MCTP2: variants seen among roughly 807,000 people sequenced by gnomAD.
MCTP2 encodes the protein multiple C2 and transmembrane domain containing 2.
In MCTP2, 132 loss-of-function variants were observed where a neutral mutation model predicts 111.6. That is an observed-to-expected ratio of 1.18 (90% CI 1.03 to 1.37). The LOEUF (loss-of-function observed/expected upper bound fraction) is 1.37, where lower values mean the gene tolerates loss of function less well. MCTP2 is among the 40% of genes most tolerant of loss of function. The pLI, the probability that MCTP2 is intolerant of heterozygous loss-of-function variation, is 0.00. For synonymous variants in MCTP2, 395 were observed against 387.7 expected, an observed-to-expected ratio of 1.02 and a Z score of -0.22; for missense variants, 1,183 against 1,067.9, an observed-to-expected ratio of 1.11 and a Z score of -1.50.
At chr15:94,362,938 T>C (rs929014293) in intron 10 of MCTP2, among the ~76,000 whole-genome samples, 11 of 152,162 alleles carry the variant, frequency 7.2e-5, no homozygotes, top group Non-Finnish European at 1.5e-4. Flanking sequence ...CTTTAATATA[T>C]GCCTTTTGCA....
At chr15:94,328,594 T>C (rs2076996450) in intron 4 of MCTP2, among the ~76,000 whole-genome samples, 1 of 152,212 alleles carries the variant, frequency 6.6e-6, no homozygotes, top group Admixed American at 6.5e-5. Flanking sequence ...ATGTCTGAGT[T>C]TTGATTTCAG....
At chr15:94,386,321 G>A (rs1196605842) in intron 14 of MCTP2, among the ~76,000 whole-genome samples, 1 of 152,176 alleles carries the variant, frequency 6.6e-6, no homozygotes, top group East Asian at 1.9e-4. Flanking sequence ...CAGCCAATGA[G>A]ACTTTATTCT....
chr15:94,240,423 A>C (rs990892146), intron 1 of MCTP2, among the ~76,000 whole-genome samples: 1 of 152,128 alleles, frequency 6.6e-6, no homozygotes, highest in Non-Finnish European at 1.5e-5. Context: ...TCTGTTTTGC[A>C]TCCCAGGGAA....
At chr15:94,396,835 A>G (rs2081306386) in intron 14 of MCTP2, among the ~76,000 whole-genome samples, 1 of 152,222 alleles carries the variant, frequency 6.6e-6, no homozygotes, top group Non-Finnish European at 1.5e-5. Flanking sequence ...ATATAGCAGT[A>G]TAAAAAATGA....
intron 14 of MCTP2, among the ~76,000 whole-genome samples, chr15:94,398,622 G>A (rs942646442): frequency 2.0e-5 from 3 of 151,852 alleles, no homozygotes; most frequent in Admixed American, 1.3e-4. Context: ...CCTTTTTCCC[G>A]TGACCTTTAC....
chr15:94,328,625 C>G (rs2076998161), intron 4 of MCTP2, among the ~76,000 whole-genome samples: 1 of 152,190 alleles, frequency 6.6e-6, no homozygotes, highest in Non-Finnish European at 1.5e-5. Flanking sequence ...TCCTATCACA[C>G]CATCATTCCT....
chr15:94,365,582 T>A (rs2079141128), intron 10 of MCTP2, among the ~76,000 whole-genome samples: 1 of 152,218 alleles, frequency 6.6e-6, no homozygotes, highest in South Asian at 2.1e-4. Context: ...TCACAGTTAT[T>A]CCAATTATGG....
intron 1 of MCTP2, 126 bp from the exon 2 acceptor site, chr15:94,298,075 C>T (rs973498700): frequency 3.6e-5 from 17 of 473,226 alleles, no homozygotes; most frequent in Middle Eastern, 5.4e-4. Context: ...CAGTCTTAAT[C>T]ATTTATTGGA....
At chr15:94,342,761 T>C (rs1175055593) in intron 7 of MCTP2, 1 of 151,044 alleles carries the variant, frequency 6.6e-6, no homozygotes, top group Admixed American at 6.6e-5. Context: ...CACATATATA[T>C]CTCCATATAT....
chr15:94,279,927 A>G (rs1405992483), intron 1 of MCTP2, among the ~76,000 whole-genome samples: 2 of 152,168 alleles, frequency 1.3e-5, no homozygotes, highest in South Asian at 2.1e-4. Flanking sequence ...GCATACTTTG[A>G]ACCAAGCTTG....
At chr15:94,254,656 G>A in intron 1 of MCTP2, among the ~76,000 whole-genome samples, 1 of 152,186 alleles carries the variant, frequency 6.6e-6, no homozygotes, top group East Asian at 1.9e-4. Flanking sequence ...ATTGAGCTCA[G>A]TGCAACTCAG....
intron 19 of MCTP2, among the ~76,000 whole-genome samples, chr15:94,450,315 G>A (rs370528980): frequency 1.3e-5 from 2 of 152,178 alleles, no homozygotes; most frequent in South Asian, 2.1e-4. Flanking sequence ...TTAATAGCAC[G>A]AGCTGTGGCG....
intron 17 of MCTP2, chr15:94,403,117 G>A (rs2081688222): frequency 1.0e-6 from 1 of 986,374 alleles, no homozygotes; most frequent in African/African-American, 1.7e-5. Context: ...TATTTTGTTT[G>A]CTGTCGTTTA....
chr15:94,462,815 C>T (rs895418889), intron 20 of MCTP2, among the ~76,000 whole-genome samples: 2 of 152,128 alleles, frequency 1.3e-5, no homozygotes, highest in Non-Finnish European at 2.9e-5. Context: ...ATGATTTCTG[C>T]TTCATAAAAT....
intron 12 of MCTP2, among the ~76,000 whole-genome samples, chr15:94,377,397 T>A (rs1308635742): frequency 6.6e-6 from 1 of 152,190 alleles, no homozygotes; most frequent in African/African-American, 2.4e-5. Context: ...TACATAAATC[T>A]GCCTCTGGCA....
intron 1 of MCTP2, among the ~76,000 whole-genome samples, chr15:94,245,281 T>C (rs1280564891): frequency 5.6e-5 from 8 of 142,080 alleles, no homozygotes; most frequent in African/African-American, 2.1e-4. Flanking sequence ...TATACGTATA[T>C]ACACATATGT....
chr15:94,479,993 C>T lies in MCTP2; in HGVS notation c.*959C>T, dbSNP rs2152549571. 6.6e-6 allele frequency: 1 copy of T among 152,128 alleles called. No individual in the cohort carries two copies. 9.4% of individuals were successfully genotyped at this position (152,128 alleles called of 1,614,324 possible). ...AGGAAGTAGAAATACTTTGGCTGCC[C>T]AAATGTATCTTTTGTTCCTCTTAGA... is the stretch of plus-strand genomic sequence containing the variant. On this transcript the variant is annotated 3_prime_UTR_variant, in exon 23 of 23. Coordinates refer to ENST00000357742, the MANE Select transcript of MCTP2 (RefSeq NM_001385001.1).
chr15:94,320,871 T>C lies in MCTP2; in HGVS notation c.637+5234T>C, dbSNP rs539016164. On this transcript the variant is annotated intron_variant, in intron 4 of 22. Coordinates refer to ENST00000357742, the MANE Select transcript of MCTP2 (RefSeq NM_001385001.1). ...GAGGCAAGATTCAGAGCAGACTGGG[T>C]GGCTCAGTGGGACAAGAAGAGGATT... is the stretch of plus-strand genomic sequence containing the variant. 5.9e-5 allele frequency among the ~76,000 whole-genome samples: 9 copies of C among 152,298 alleles called. No individual in the cohort carries two copies. The East Asian group carries it at 1.7e-3, about 29-fold the overall frequency.
At chr15:94,425,101 T>C (rs993310065) in intron 17 of MCTP2, among the ~76,000 whole-genome samples, 5 of 152,198 alleles carry the variant, frequency 3.3e-5, no homozygotes, top group Non-Finnish European at 5.9e-5. Context: ...CATAAAAATA[T>C]TCTTTAATTT....
Sources: allele counts gnomAD v4.1 joint callset (sites outside exome capture counted in the v4.1 genomes callset), GRCh38; gene constraint gnomAD v4.1.1; transcripts MANE v1.5; gene names NCBI Gene and HGNC (gene_info 2026-07-23, HGNC 2026-07-21).